The following CENPF variants were observed in gnomAD, a reference collection of about 807,000 sequenced individuals.
The protein encoded by CENPF is centromere protein F.
A neutral mutation model predicts 307.3 loss-of-function variants in CENPF; 214 were observed. The observed-to-expected ratio is 0.70, with a 90% CI of 0.62 to 0.78. The LOEUF (loss-of-function observed/expected upper bound fraction) is 0.78, where lower values mean the gene tolerates loss of function less well. CENPF is among the 30% of genes least tolerant of loss of function. The pLI is 0.00. For missense variants in CENPF, 3,401 were observed against 3,483.9 expected (o/e 0.98, Z 0.60); for synonymous variants, 1,259 against 1,270.6 (o/e 0.99, Z 0.19).
At chr1:214,627,726 T>G (rs1657694940) in intron 7 of CENPF, among the ~76,000 whole-genome samples, 1 of 152,180 alleles carries the variant, frequency 6.6e-6, no homozygotes, top group Non-Finnish European at 1.5e-5. Context: ...GTTCTTTTTT[T>G]CCTTTGAGCT....
At chr1:214,633,465 A>G (rs1657864775) in intron 10 of CENPF, among the ~76,000 whole-genome samples, 1 of 152,276 alleles carries the variant, frequency 6.6e-6, no homozygotes, top group Admixed American at 6.5e-5. Context: ...TTTCTTCTCC[A>G]TCAAACCCCA....
At position 214,647,153 on chromosome 1, in the gene CENPF, A is replaced by C; in HGVS notation, c.7583A>C (p.Lys2528Thr). Residue 2528 changes from lysine (K) to threonine (T), a missense_variant, in exon 13 of 20, where the codon AAA (lysine) becomes ACA (threonine). Coordinates refer to ENST00000366955, the MANE Select transcript of CENPF (RefSeq NM_016343.4). ...EKKDEEISRL[K>T]NQIQDQEQLV... ...AAGGATGAAGAAATCAGTAGACTGA[A>C]AAATCAAATTCAAGACCAAGAGCAG... is the stretch of plus-strand genomic sequence containing the variant. The C allele has an allele frequency of 6.2e-7, 1 of 1,614,076 alleles. No individual in the cohort carries two copies. Among genetic ancestry groups the C allele is most frequent in the Non-Finnish European group, 8.5e-7 (1 of 1,179,960 alleles).
At chr1:214,658,198 A>G (rs1265062319) in intron 18 of CENPF, among the ~76,000 whole-genome samples, 1 of 152,090 alleles carries the variant, frequency 6.6e-6, no homozygotes, top group African/African-American at 2.4e-5. Flanking sequence ...AAAAAACAAA[A>G]ACAAATGCTG....
intron 10 of CENPF, among the ~76,000 whole-genome samples, chr1:214,633,703 C>G (rs1657872789): frequency 6.6e-6 from 1 of 151,688 alleles, no homozygotes; most frequent in African/African-American, 2.4e-5. Context: ...AGGGGCAATA[C>G]TGCTGGAGAT....
At chr1:214,652,048 C>T (rs373576244) in intron 15 of CENPF, among the ~76,000 whole-genome samples, 162 bp downstream of exon 15, 226 of 149,722 alleles carry the variant, frequency 1.5e-3, no homozygotes, top group African/African-American at 5.4e-3. Flanking sequence ...CCCCAGGTCC[C>T]TCTCTTATTT....
At position 214,637,900 on chromosome 1, in the gene CENPF, A is replaced by G; in HGVS notation, c.1481A>G (p.His494Arg). ...MKKENNLLKS[H>R]SEQKAREVCH... is the part of the protein sequence containing the mutation. ...AAGGAAAACAACCTCCTTAAGAGTC[A>G]CTCTGAGCAAAAGGCCAGAGAAGTC... Residue 494 changes from histidine (H) to arginine (R), a missense_variant, in exon 11 of 20, where the codon CAC (histidine) becomes CGC (arginine). His to Arg is a conservative substitution (Grantham distance 29). Coordinates refer to ENST00000366955, the MANE Select transcript of CENPF (RefSeq NM_016343.4). The G allele has an allele frequency of 6.2e-7, 1 of 1,613,220 alleles. No individual in the cohort carries two copies. The highest frequency in any genetic ancestry group is 8.5e-7 in the Non-Finnish European group (1 of 1,179,844).
At chr1:214,649,044 G>C (rs1482793588) in intron 14 of CENPF, among the ~76,000 whole-genome samples, 1 of 152,194 alleles carries the variant, frequency 6.6e-6, no homozygotes, top group African/African-American at 2.4e-5. Context: ...CTGAACACAT[G>C]AAAGTATCTG....
chr1:214,650,969 G>T (rs1658445723), intron 14 of CENPF, among the ~76,000 whole-genome samples: 1 of 152,134 alleles, frequency 6.6e-6, no homozygotes, highest in South Asian at 2.1e-4. Context: ...GGAAGGAGTG[G>T]TCAGCAGCCC....
chr1:214,618,904 T>C (rs1308285500), intron 4 of CENPF, among the ~76,000 whole-genome samples: 1 of 152,228 alleles, frequency 6.6e-6, no homozygotes, highest in Non-Finnish European at 1.5e-5. Context: ...TATCCTTCTG[T>C]GGCATATTTT....
chr1:214,628,991 G>C, intron 7 of CENPF, 55 bp from the exon 8 acceptor site: 1 of 1,332,040 alleles, frequency 7.5e-7, no homozygotes, highest in Non-Finnish European at 1.0e-6. Context: ...CAAAATATTT[G>C]TTCATTTATG....
At chr1:214,661,090 T>C (rs1414089222) in intron 19 of CENPF, among the ~76,000 whole-genome samples, 1 of 152,224 alleles carries the variant, frequency 6.6e-6, no homozygotes, top group Non-Finnish European at 1.5e-5. Flanking sequence ...CTTTGCACGC[T>C]AGGGGGCCTG....
At chr1:214,635,841 A>G (rs1657951803) in intron 10 of CENPF, among the ~76,000 whole-genome samples, 1 of 152,174 alleles carries the variant, frequency 6.6e-6, no homozygotes. Context: ...CAACAAACAC[A>G]TAAACATAAA....
chr1:214,645,752 T>G lies in CENPF; in HGVS notation c.6182T>G (p.Leu2061Arg). The change falls in exon 13 of 20, where the codon CTG (leucine) becomes CGG (arginine). Residue 2061 changes from leucine to arginine, a missense_variant. By Grantham distance (102) the Leu-to-Arg change is moderately radical. Coordinates refer to ENST00000366955, the MANE Select transcript of CENPF (RefSeq NM_016343.4). The stretch of plus-strand genomic sequence containing the variant: ...GAGCTGGAAAACCAAATTGCACAAC[T>G]GAATAAAGAGAAAGAATTGCTTGTC... ...KCELENQIAQ[L>R]NKEKELLVKE... The G allele has an allele frequency of 1.2e-6, 2 of 1,614,088 alleles. No individual in the cohort carries two copies. The highest frequency in any genetic ancestry group is 1.7e-6 in the Non-Finnish European group (2 of 1,180,024).
intron 1 of CENPF, chr1:214,605,410 C>G: frequency 1.3e-5 from 6 of 446,574 alleles, no homozygotes; most frequent in Admixed American, 7.8e-5. Context: ...GTCATACATC[C>G]GTAAGTGCCT....
At chr1:214,608,648 G>A (rs1424307513) in intron 1 of CENPF, 4 of 1,602,312 alleles carry the variant, frequency 2.5e-6, no homozygotes, top group Non-Finnish European at 3.4e-6. Flanking sequence ...AGCTTCCAGC[G>A]CCCGGGTGCG....
Position 214,614,816 on chromosome 1 carries a change from G to T in CENPF, c.163-16G>T. 6.5e-7 allele frequency: 1 copy of T among 1,535,944 alleles called. No homozygotes were observed. Among genetic ancestry groups the T allele is most frequent in the South Asian group, 1.3e-5 (1 of 79,806 alleles). On this transcript the variant is annotated splice_polypyrimidine_tract_variant and intron_variant, in intron 2 of 19. Transcript: ENST00000366955. ...CAAAATAAGGGAGTTATTGTCTTCT[G>T]AACAATTCTCATTAGGTTGAAAATG...
chr1:214,651,838 T>A lies in CENPF; in HGVS notation c.8112T>A (p.His2704Gln). The A allele has an allele frequency of 6.2e-7, 1 of 1,610,916 alleles. No homozygotes were observed. Among genetic ancestry groups the A allele is most frequent in the African/African-American group, 1.3e-5 (1 of 74,668 alleles). ...TAGCTGAATATCAGCTACGGCTTCA[T>A]GAAGCTGAAAAGAAACACCAGGCTT... ...EEIAEYQLRL[H>Q]EAEKKHQALL... is the part of the protein sequence containing the mutation. Residue 2704 changes from histidine (H) to glutamine (Q), a missense_variant, in exon 15 of 20, where the codon CAT becomes CAA. His to Gln is a conservative substitution (Grantham distance 24, BLOSUM62 0). Transcript: ENST00000366955.
chr1:214,628,987 A>G, intron 7 of CENPF, 59 bp from the exon 8 acceptor site: 2 of 1,321,480 alleles, frequency 1.5e-6, no homozygotes, highest in Non-Finnish European at 1.0e-6. Context: ...AACACAAAAT[A>G]TTTGTTCATT....
chr1:214,619,826 C>T (rs755814645), intron 5 of CENPF, among the ~76,000 whole-genome samples: 15 of 152,106 alleles, frequency 9.9e-5, no homozygotes, highest in Admixed American at 3.9e-4. Flanking sequence ...TGACTTTAAC[C>T]CTCATTTTGA....
Sources: gnomAD v4.1 joint callset for allele counts (sites outside exome capture counted in the v4.1 genomes callset) on GRCh38, gnomAD v4.1.1 for gene constraint, MANE v1.5 for transcripts, NCBI Gene and HGNC (gene_info 2026-07-23, HGNC 2026-07-21) for gene names.